Variants in POC1A observed in about 807,000 individuals in gnomAD.
POC1A encodes the protein POC1 centriolar protein A.
Under a neutral mutation model 47.8 loss-of-function variants are expected in POC1A, and 34 were observed. That is an observed-to-expected ratio of 0.71 (90% CI 0.54 to 0.95). The LOEUF (loss-of-function observed/expected upper bound fraction) is 0.95. POC1A is among the 40% of genes least tolerant of loss of function. The pLI, the probability that POC1A is intolerant of heterozygous loss-of-function variation, is 0.00. For synonymous variants in POC1A, 177 were observed against 207.6 expected (o/e 0.85, Z 1.27); for missense variants, 466 against 528.3 (o/e 0.88, Z 1.16).
intron 9 of POC1A, among the ~76,000 whole-genome samples, chr3:52,116,664 GC>G (rs1423536935): frequency 6.6e-6 from 1 of 152,096 alleles, no homozygotes; most frequent in African/African-American, 2.4e-5. Flanking sequence ...TCCCATTATT[GC>G]CCACTGTCCC....
intron 9 of POC1A, among the ~76,000 whole-genome samples, chr3:52,106,551 G>A (rs1703191860): frequency 6.6e-6 from 1 of 152,106 alleles, no homozygotes; most frequent in Non-Finnish European, 1.5e-5. Flanking sequence ...GGGGTTGAGG[G>A]GTAGGTCTAA....
At chr3:52,095,976 C>A (rs1236732979) in intron 10 of POC1A, among the ~76,000 whole-genome samples, 1 of 152,258 alleles carries the variant, frequency 6.6e-6, no homozygotes, top group East Asian at 1.9e-4. Context: ...GTGGTCAGGG[C>A]CACAACTAAC....
At position 52,096,689 on chromosome 3, in the gene POC1A, G is replaced by T. The variant is rs775753197; in HGVS notation, c.1005C>A (p.Pro335=). Residue 335 remains proline, a synonymous_variant, in exon 10 of 11, where the codon CCC becomes CCA. Transcript: ENST00000296484. ...ACTCCACACTCCTGCCTCTGCCTGG[G>T]GGGACAGGGAAGTCCACTTCTGGCT... ...GNLPEVDFPV[P]PGRGRSVESV... 2.6e-5 allele frequency: 42 copies of T among 1,601,490 alleles called. No homozygotes were observed. Among genetic ancestry groups the T allele is most frequent in the Non-Finnish European group, 3.6e-5 (42 of 1,175,494 alleles).
At chr3:52,133,250 G>A (rs1704303115) in intron 7 of POC1A, among the ~76,000 whole-genome samples, 1 of 152,140 alleles carries the variant, frequency 6.6e-6, no homozygotes, top group Non-Finnish European at 1.5e-5. Context: ...CTCAGAGGAT[G>A]CAGCATTCAA....
At position 52,154,400 on chromosome 3, in the gene POC1A, T is replaced by C. The variant is rs749868848; in HGVS notation, c.-28A>G. The C allele has an allele frequency of 1.7e-5, 24 of 1,450,750 alleles. No individual in the cohort carries two copies. Among genetic ancestry groups the C allele is most frequent in the Non-Finnish European group, 2.1e-5 (23 of 1,108,132 alleles). The allele number at this position is 1,450,750 out of a possible 1,614,324, so 89.9% of individuals were successfully genotyped here. A position where few individuals can be genotyped will look rare whatever the true frequency, so the allele number is the denominator to read the frequency against. ...CGGGGCTGGCGGCGCCGAAGGCAGCTGCGGTGGCCGTTGCGGCCCGTTCAG... is the reference window on the plus strand; with the variant it reads ...CGGGGCTGGCGGCGCCGAAGGCAGCCGCGGTGGCCGTTGCGGCCCGTTCAG... On this transcript the variant is annotated 5_prime_UTR_variant, in exon 1 of 11. Transcript: ENST00000296484.
intron 9 of POC1A, among the ~76,000 whole-genome samples, chr3:52,120,099 G>A (rs1011164302): frequency 4.6e-5 from 7 of 152,184 alleles, no homozygotes; most frequent in African/African-American, 9.7e-5. Context: ...GAAGAAAACC[G>A]AACTACTGAA....
intron 6 of POC1A, among the ~76,000 whole-genome samples, chr3:52,143,999 T>C (rs1468540736): frequency 6.6e-6 from 1 of 152,222 alleles, no homozygotes. Context: ...AGACATCCTC[T>C]CTGCCCAGTG....
intron 7 of POC1A, among the ~76,000 whole-genome samples, chr3:52,127,640 G>A (rs575196603): frequency 8.6e-5 from 13 of 151,476 alleles, no homozygotes; most frequent in African/African-American, 2.2e-4. Flanking sequence ...TGATCTGCCC[G>A]TCTCGGCCTC....
chr3:52,090,658 A>G lies in POC1A; in HGVS notation c.1125+5911T>C, dbSNP rs946876675. Among the ~76,000 whole-genome samples, 5 of 152,108 alleles carry G rather than the reference A, an allele frequency of 3.3e-5. No individual in the cohort carries two copies. The highest frequency in any genetic ancestry group is 1.2e-4 in the African/African-American group (5 of 41,466). ...AACAGCCTCTCTCCCTGCTCACTGG[A>G]GAAGTTTTCCGGCATCTGTGAAAAA... On this transcript the variant is annotated intron_variant, in intron 10 of 10. Transcript: ENST00000296484. This position sits in a 1 kb window ranked among gnomAD's most constrained non-coding sequence, Gnocchi z 4.2.
At chr3:52,152,901 A>G (rs1195875862) in intron 1 of POC1A, among the ~76,000 whole-genome samples, 1 of 152,256 alleles carries the variant, frequency 6.6e-6, no homozygotes, top group Non-Finnish European at 1.5e-5. Flanking sequence ...AAAGAAGTCA[A>G]ACACCAAAGG....
Position 52,075,658 on chromosome 3 carries a change from TGAAG to T in POC1A, c.*225_*228del, listed in dbSNP as rs1474075131. The T allele has an allele frequency of 2.2e-6, 1 of 446,550 alleles. No homozygotes were observed. Among genetic ancestry groups the T allele is most frequent in the Non-Finnish European group, 4.2e-6 (1 of 238,576 alleles). The allele number at this position is 446,550 out of a possible 1,614,324, so 27.7% of individuals were successfully genotyped here. On this transcript the variant is annotated 3_prime_UTR_variant, in exon 11 of 11. Transcript: ENST00000296484. ...AAAATGTGGTCCTCTCATTCGGGTC[TGAAG>T]CATCATTTGTGTGTGAGCCCGGCCC... is the stretch of plus-strand genomic sequence containing the variant.
intron 10 of POC1A, among the ~76,000 whole-genome samples, chr3:52,089,302 G>A (rs148976411): frequency 6.6e-6 from 1 of 152,134 alleles, no homozygotes; most frequent in African/African-American, 2.4e-5. Flanking sequence ...GAATCACCAG[G>A]GGCCCAGGCA....
chr3:52,113,970 T>C (rs1703469944), intron 9 of POC1A, among the ~76,000 whole-genome samples: 1 of 152,134 alleles, frequency 6.6e-6, no homozygotes, highest in Non-Finnish European at 1.5e-5. Flanking sequence ...AGTGAGCCCA[T>C]GAAATGAAAA....
chr3:52,091,733 G>T (rs1181261000), intron 10 of POC1A, among the ~76,000 whole-genome samples: 1 of 152,200 alleles, frequency 6.6e-6, no homozygotes, highest in Non-Finnish European at 1.5e-5. Context: ...TGTGCCACAA[G>T]CCTGCCCCAG....
intron 9 of POC1A, among the ~76,000 whole-genome samples, chr3:52,102,692 A>AATCT (rs1478666022): frequency 2.0e-5 from 3 of 152,264 alleles, no homozygotes; most frequent in Admixed American, 2.0e-4. Flanking sequence ...CTTTAGTATA[A>AATCT]ATCTAACAAC....
At chr3:52,152,483 TC>T (rs1161131437) in intron 1 of POC1A, among the ~76,000 whole-genome samples, 1 of 150,140 alleles carries the variant, frequency 6.7e-6, no homozygotes, top group Non-Finnish European at 1.5e-5. Context: ...GGCAGGAGAA[TC>T]GCTTGAACCC....
intron 7 of POC1A, among the ~76,000 whole-genome samples, chr3:52,134,420 T>C (rs1180001679): frequency 6.6e-6 from 1 of 152,084 alleles, no homozygotes; most frequent in East Asian, 1.9e-4. Flanking sequence ...TCACCTGAGG[T>C]CAGGAGTTTG....
At chr3:52,119,954 GTGC>G (rs1703711848) in intron 9 of POC1A, among the ~76,000 whole-genome samples, 1 of 152,068 alleles carries the variant, frequency 6.6e-6, no homozygotes, top group Non-Finnish European at 1.5e-5. Context: ...CATGGCTGCA[GTGC>G]TCCTGGGCTC....
At chr3:52,134,999 A>T (rs1704390961) in intron 7 of POC1A, among the ~76,000 whole-genome samples, 1 of 152,190 alleles carries the variant, frequency 6.6e-6, no homozygotes, top group Non-Finnish European at 1.5e-5. Flanking sequence ...ACAGAATGTG[A>T]AAGATGAAGT....
Sources: gnomAD v4.1 joint callset for allele counts (sites outside exome capture counted in the v4.1 genomes callset) on GRCh38, gnomAD v4.1.1 for gene constraint, Gnocchi (gnomAD v3.1) non-coding constraint, MANE v1.5 for transcripts, NCBI Gene and HGNC (gene_info 2026-07-23, HGNC 2026-07-21) for gene names.